RABEP1: variants seen among roughly 807,000 people sequenced by gnomAD.
RABEP1 encodes the protein rabaptin, RAB GTPase binding effector protein 1, also known as rab GTPase-binding effector protein 1.
Under a neutral mutation model 123.4 loss-of-function variants are expected in RABEP1, and 51 were observed. The observed-to-expected ratio is 0.41, with a 90% CI of 0.33 to 0.52. RABEP1 has a LOEUF of 0.52. RABEP1 is among the 20% of genes least tolerant of loss of function. The probability of loss-of-function intolerance (pLI) is 0.16; values close to 1 mark genes in which losing one functional copy is unlikely to be tolerated. For missense variants in RABEP1, 888 were observed against 996.3 expected (o/e 0.89, Z 1.46); for synonymous variants, 347 against 355.2 (o/e 0.98, Z 0.26).
intron 7 of RABEP1, 115 bp downstream of exon 7, chr17:5,350,744 G>A: frequency 8.8e-7 from 1 of 1,136,110 alleles, no homozygotes; most frequent in South Asian, 1.5e-5. Context: ...GGTGATAAAG[G>A]TGATATGTGC....
rs549703295 is a variant in RABEP1, at chr17:5,366,822, G to A, written c.1786-1548G>A. Among the ~76,000 whole-genome samples the A allele has an allele frequency of 2.0e-5, 3 of 151,772 alleles. No homozygotes were observed. The East Asian group carries it at 5.9e-4, about 30-fold the overall frequency. On this transcript the variant is annotated intron_variant, in intron 11 of 17. Transcript: ENST00000537505. ...TAGTCAAATTTGGCCGGGCACGGTG[G>A]CTCACACCTGTAATCCCAGCACTTT...
intron 12 of RABEP1, among the ~76,000 whole-genome samples, chr17:5,371,053 G>A (rs1336342727): frequency 6.6e-6 from 1 of 151,494 alleles, no homozygotes; most frequent in Non-Finnish European, 1.5e-5. Flanking sequence ...TGCAAGCTCC[G>A]CCTCCCGGGC....
intron 3 of RABEP1, among the ~76,000 whole-genome samples, chr17:5,333,409 G>A (rs1223770043): frequency 2.6e-5 from 4 of 152,058 alleles, no homozygotes; most frequent in Admixed American, 2.0e-4. Context: ...TGATCTGCCC[G>A]CCTCGGCCTC....
At chr17:5,286,753 A>T (rs922406419) in intron 1 of RABEP1, among the ~76,000 whole-genome samples, 5 of 152,226 alleles carry the variant, frequency 3.3e-5, no homozygotes, top group East Asian at 3.8e-4. Flanking sequence ...ATAGATAATA[A>T]ATAACCCTGC....
rs1480268281 is a variant in RABEP1 at position 5,377,518 on chromosome 17, AAATTTTTTT to A, written c.2215+214_2215+222del. On this transcript the variant is annotated intron_variant, in intron 14 of 17. Transcript: ENST00000537505. ...TAATCAGAAATTCTGGTTATTTAAA[AAATTTTTTT>A]TTTTTTTTTTTTTTTTGAGACGGAG... is the stretch of plus-strand genomic sequence containing the variant. Among the ~76,000 whole-genome samples, 133 of 125,922 alleles carry A rather than the reference AAATTTTTTT, an allele frequency of 1.1e-3. 2 individuals are homozygous for A. The South Asian group carries it at 0.031, about 29-fold the overall frequency. 82.6% of individuals were successfully genotyped at this position (125,922 alleles called of 152,430 possible).
chr17:5,335,275 A>C lies in RABEP1; in HGVS notation c.459A>C (p.Glu153Asp), dbSNP rs1906962948. 1.9e-6 allele frequency: 3 copies of C among 1,614,060 alleles called. No homozygotes were observed. Among genetic ancestry groups the C allele is most frequent in the Non-Finnish European group, 2.5e-6 (3 of 1,179,930 alleles). Residue 153 changes from glutamate to aspartate, a missense_variant, in exon 4 of 18, where the codon GAA (glutamate) becomes GAC (aspartate). Coordinates refer to ENST00000537505, the MANE Select transcript of RABEP1 (RefSeq NM_004703.6). ...AGTATAGAGAATCCGCAGAGAGGGA[A>C]ATAGCTGATTTAAGAAGAAGGCTGT... ...WAQYRESAER[E>D]IADLRRRLSE...
intron 2 of RABEP1, among the ~76,000 whole-genome samples, chr17:5,329,018 AC>A (rs1906255120): frequency 1.0e-5 from 1 of 97,882 alleles, no homozygotes; most frequent in Admixed American, 1.1e-4. Flanking sequence ...ATTCAGAAAG[AC>A]TTTTTTTTTT....
In RABEP1 at chr17:5,361,670, A is replaced by G. The variant is rs897274645; in HGVS notation, c.1558A>G (p.Lys520Glu). 6.2e-7 allele frequency: 1 copy of G among 1,600,736 alleles called. No homozygotes were observed. The highest frequency in any genetic ancestry group is 1.1e-5 in the South Asian group (1 of 88,868). Residue 520 changes from lysine (K) to glutamate (E), a missense_variant, in exon 9 of 18, where the codon AAA (lysine) becomes GAA (glutamate). Lys to Glu is a moderately conservative substitution (Grantham distance 56). Transcript: ENST00000537505. ...VSETEWNLLQ[K>E]EVHNAGNKLG... The stretch of plus-strand genomic sequence containing the variant: ...TGAAACAGAATGGAATCTCTTGCAG[A>G]AAGAGGTGAGTTACCTTTCTCACGT...
At chr17:5,287,842 G>A (rs2074994538) in intron 1 of RABEP1, among the ~76,000 whole-genome samples, 1 of 151,956 alleles carries the variant, frequency 6.6e-6, no homozygotes, top group African/African-American at 2.4e-5. Flanking sequence ...AGCCTGGGAG[G>A]TCGAGGCTGC....
At chr17:5,352,390 A>C (rs1352813331) in intron 7 of RABEP1, among the ~76,000 whole-genome samples, 1 of 151,312 alleles carries the variant, frequency 6.6e-6, no homozygotes, top group Non-Finnish European at 1.5e-5. Context: ...ACAGGGTTTC[A>C]CTACGTTGCC....
intron 2 of RABEP1, among the ~76,000 whole-genome samples, chr17:5,309,135 A>G (rs111451168): frequency 4.6e-5 from 7 of 152,332 alleles, no homozygotes; most frequent in South Asian, 2.1e-4. Flanking sequence ...TGGCATTCTA[A>G]TAACAGCTTT....
chr17:5,363,218 T>TTG (rs1567545266), intron 10 of RABEP1, among the ~76,000 whole-genome samples: 2 of 150,728 alleles, frequency 1.3e-5, no homozygotes, highest in African/African-American at 2.4e-5. Context: ...TTTTTTTTGT[T>TTG]TTTGTTTTTG....
At chr17:5,336,151 TG>T (rs1907063189) in intron 4 of RABEP1, among the ~76,000 whole-genome samples, 1 of 152,322 alleles carries the variant, frequency 6.6e-6, no homozygotes, top group South Asian at 2.1e-4. Flanking sequence ...AAAATCACAT[TG>T]TATAAAATAA....
rs55736303 is a variant in RABEP1, at chr17:5,373,693, AACACACACACACACACACACACAC to A, written c.2025+260_2025+283del. 3.1e-3 allele frequency among the ~76,000 whole-genome samples: 417 copies of A among 135,328 alleles called. 1 individual carries two copies. The highest frequency in any genetic ancestry group is 9.7e-3 in the African/African-American group (359 of 36,900). The allele number at this position is 135,328 out of a possible 152,430, so 88.8% of individuals were successfully genotyped here. ...CCCTGTGACCCGACTACACCAGCTA[AACACACACACACACACACACACAC>A]ACACACACACACACACACACGAAAA... is the stretch of plus-strand genomic sequence containing the variant. On this transcript the variant is annotated intron_variant, in intron 13 of 17. Coordinates refer to ENST00000537505, the MANE Select transcript of RABEP1 (RefSeq NM_004703.6).
intron 1 of RABEP1, among the ~76,000 whole-genome samples, chr17:5,301,803 G>C (rs2075137437): frequency 6.6e-6 from 1 of 151,962 alleles, no homozygotes; most frequent in South Asian, 2.1e-4. Flanking sequence ...CCTGCGCCAT[G>C]GTTAAAACTG....
At chr17:5,372,023 G>A (rs906221865) in intron 12 of RABEP1, among the ~76,000 whole-genome samples, 3 of 152,040 alleles carry the variant, frequency 2.0e-5, no homozygotes, top group African/African-American at 7.2e-5. Context: ...GGAGTCACGT[G>A]CTTTTGTAGA....
At chr17:5,336,348 CTGT>C (rs934472263) in intron 4 of RABEP1, 8 of 371,086 alleles carry the variant, frequency 2.2e-5, no homozygotes, top group African/African-American at 8.9e-5. Context: ...CTAGTTTCTC[CTGT>C]TGTTAATGTT....
Position 5,373,693 on chromosome 17 carries a change from A to AACACACACACACACACACAC in RABEP1, c.2025+264_2025+283dup, listed in dbSNP as rs55736303. Reference sequence around the variant, plus strand: ...CCCTGTGACCCGACTACACCAGCTAAACACACACACACACACACACACACA... The same window carrying AACACACACACACACACACAC: ...CCCTGTGACCCGACTACACCAGCTAAACACACACACACACACACACACACACACACACACACACACACACA... On this transcript the variant is annotated intron_variant, in intron 13 of 17. Transcript: ENST00000537505. 2.5e-4 allele frequency among the ~76,000 whole-genome samples: 34 copies of AACACACACACACACACACAC among 135,330 alleles called. 1 individual carries two copies. The highest frequency in any genetic ancestry group is 3.7e-3 in the Middle Eastern group (1 of 270). 88.8% of individuals were successfully genotyped at this position (135,330 alleles called of 152,430 possible). A position where few individuals can be genotyped will look rare whatever the true frequency, so the allele number is the denominator to read the frequency against.
rs1597309892 is a variant in RABEP1 at position 5,386,041 on chromosome 17, A to G, written c.*2818A>G. On this transcript the variant is annotated 3_prime_UTR_variant, in exon 18 of 18. Coordinates refer to ENST00000537505, the MANE Select transcript of RABEP1 (RefSeq NM_004703.6). ...ATAAAGCACATTCCAAATTTTAAAT[A>G]AAAGCATTTACTCAATTATTATAAA... 8.9e-6 allele frequency: 5 copies of G among 563,572 alleles called. No homozygotes were observed. Among genetic ancestry groups the G allele is most frequent in the Non-Finnish European group, 1.6e-5 (5 of 321,668 alleles). The allele number at this position is 563,572 out of a possible 1,614,324, so 34.9% of individuals were successfully genotyped here. A position where few individuals can be genotyped will look rare whatever the true frequency, so the allele number is the denominator to read the frequency against.
Sources: allele counts gnomAD v4.1 joint callset (sites outside exome capture counted in the v4.1 genomes callset), GRCh38; gene constraint gnomAD v4.1.1; transcripts MANE v1.5; gene names NCBI Gene and HGNC (gene_info 2026-07-23, HGNC 2026-07-21).